Variants in KAT6A observed in about 807,000 individuals in gnomAD.
The protein encoded by KAT6A is lysine acetyltransferase 6A.
A neutral mutation model predicts 198.4 loss-of-function variants in KAT6A; 9 were observed. The ratio of observed to expected loss-of-function variants is 0.05; its 90% CI spans 0.03 to 0.08. The LOEUF is 0.08. Among genes scored for constraint, KAT6A ranks in the 10% least tolerant of loss-of-function variants. The pLI, the probability that KAT6A is intolerant of heterozygous loss-of-function variation, is 1.00. For missense variants in KAT6A, 2,077 were observed against 2,509.9 expected, an observed-to-expected ratio of 0.83 and a Z score of 3.69; for synonymous variants, 890 against 883.0, an observed-to-expected ratio of 1.01 and a Z score of -0.14.
intron 14 of KAT6A, 27 bp downstream of exon 14, chr8:41,942,766 A>T: frequency 6.2e-7 from 1 of 1,607,802 alleles, no homozygotes; most frequent in Non-Finnish European, 8.5e-7. Context: ...TTCTGTCATC[A>T]AAAATAGAGA....
At chr8:41,998,405 C>G (rs1417232123) in intron 2 of KAT6A, among the ~76,000 whole-genome samples, 1 of 152,100 alleles carries the variant, frequency 6.6e-6, no homozygotes, top group Admixed American at 6.5e-5. Flanking sequence ...ACGTATGGTT[C>G]TCTTCCACTC....
chr8:41,970,408 C>T (rs1823727757), intron 8 of KAT6A, among the ~76,000 whole-genome samples: 1 of 152,148 alleles, frequency 6.6e-6, no homozygotes, highest in African/African-American at 2.4e-5. Context: ...TCTCCCCGAG[C>T]CTCAGCAGGG....
intron 7 of KAT6A, 29 bp from the exon 8 acceptor site, chr8:41,974,851 AACT>A: frequency 7.1e-7 from 1 of 1,417,258 alleles, no homozygotes; most frequent in Non-Finnish European, 9.9e-7. Flanking sequence ...CTCACATGTT[AACT>A]GTCCCCAGAT....
chr8:41,945,971 A>C (rs1205389768), intron 12 of KAT6A, among the ~76,000 whole-genome samples: 1 of 151,452 alleles, frequency 6.6e-6, no homozygotes, highest in Non-Finnish European at 1.5e-5. Context: ...CAGAGCTTGC[A>C]GTGAGCCGAG....
In KAT6A at chr8:41,980,941, G is replaced by GA; in HGVS notation, c.826-15dup. 1 of 1,584,296 alleles carries GA rather than the reference G, an allele frequency of 6.3e-7. No homozygotes were observed. Among genetic ancestry groups the GA allele is most frequent in the Non-Finnish European group, 8.7e-7 (1 of 1,154,890 alleles). On this transcript the variant is annotated splice_polypyrimidine_tract_variant and intron_variant, in intron 4 of 16. Coordinates refer to ENST00000265713, the MANE Select transcript of KAT6A (RefSeq NM_006766.5). ...GAGCATGTTATCCTATTAGAAAAAA[G>GA]AAAGGACAGTTTTGCTTAACCTTAT... is the stretch of plus-strand genomic sequence containing the variant.
intron 8 of KAT6A, among the ~76,000 whole-genome samples, chr8:41,973,128 A>G (rs561914351): frequency 1.6e-4 from 24 of 152,350 alleles, no homozygotes; most frequent in Non-Finnish European, 2.8e-4. Flanking sequence ...TTATTTTTCC[A>G]AAAGTACTCA....
chr8:41,987,377 G>C (rs1824667790), intron 3 of KAT6A, 78 bp downstream of exon 3: 1 of 810,962 alleles, frequency 1.2e-6, no homozygotes, highest in Admixed American at 1.9e-5. Flanking sequence ...AAGGATCAAG[G>C]ATACAAACTC....
chr8:41,930,682 ATGTG>A lies in KAT6A; in HGVS notation c.*1519_*1522del, dbSNP rs1167805914. On this transcript the variant is annotated 3_prime_UTR_variant, in exon 17 of 17. Coordinates refer to ENST00000265713, the MANE Select transcript of KAT6A (RefSeq NM_006766.5). ...AATGATGGAATATATATATATATAT[ATGTG>A]TGTGTGTGTGTGTGTGTGTGTGTGT... is the stretch of plus-strand genomic sequence containing the variant. The A allele has an allele frequency of 5.4e-3, 489 of 91,326 alleles. 7 individuals are homozygous for A. The highest frequency in any genetic ancestry group is 0.012 in the African/African-American group (226 of 18,648). 5.7% of individuals were successfully genotyped at this position (91,326 alleles called of 1,614,324 possible). A position where few individuals can be genotyped will look rare whatever the true frequency, so the allele number is the denominator to read the frequency against.
chr8:42,016,212 A>G (rs1826265611), intron 2 of KAT6A, among the ~76,000 whole-genome samples: 1 of 152,176 alleles, frequency 6.6e-6, no homozygotes, highest in South Asian at 2.1e-4. Context: ...TGAAATATGA[A>G]TATGTACCAT....
chr8:41,994,693 C>T (rs1403476334), intron 2 of KAT6A, among the ~76,000 whole-genome samples: 1 of 151,960 alleles, frequency 6.6e-6, no homozygotes, highest in African/African-American at 2.4e-5. Context: ...ATTATTTATT[C>T]TTAACTAAAT....
At chr8:42,008,908 A>G (rs1450414321) in intron 2 of KAT6A, among the ~76,000 whole-genome samples, 1 of 152,176 alleles carries the variant, frequency 6.6e-6, no homozygotes, top group East Asian at 1.9e-4. Context: ...TAAAATTGTA[A>G]TTTAAAAGTT....
At chr8:42,003,701 G>A (rs1399150952) in intron 2 of KAT6A, among the ~76,000 whole-genome samples, 1 of 152,076 alleles carries the variant, frequency 6.6e-6, no homozygotes, top group Non-Finnish European at 1.5e-5. Context: ...TTCATATGGT[G>A]AAGCCCTAAT....
chr8:41,957,383 G>A (rs1451952554), intron 8 of KAT6A: 2 of 461,744 alleles, frequency 4.3e-6, no homozygotes, highest in South Asian at 1.7e-5. Flanking sequence ...AGGAAGAAAT[G>A]GCTACACAGA....
At position 41,946,489 on chromosome 8, in the gene KAT6A, TATATACACACACACACACACAC is replaced by T. The variant is rs1206661024; in HGVS notation, c.1996+80_1996+101del. 5 of 453,730 alleles carry T rather than the reference TATATACACACACACACACACAC, an allele frequency of 1.1e-5. No individual in the cohort carries two copies. The East Asian group carries it at 1.4e-4, about 13-fold the overall frequency. The allele number at this position is 453,730 out of a possible 1,614,324, so 28.1% of individuals were successfully genotyped here. On this transcript the variant is annotated intron_variant, in intron 12 of 16. Transcript: ENST00000265713. ...GCACCTACAAATCTTTAAATATATA[TATATACACACACACACACACAC>T]ACACACACACACACACACACACACA... is the stretch of plus-strand genomic sequence containing the variant.
At position 42,044,121 on chromosome 8, in the gene KAT6A, G is replaced by C. The variant is rs1827795278; in HGVS notation, c.600+4257C>G. On this transcript the variant is annotated intron_variant, in intron 2 of 16. Transcript: ENST00000265713. ...AACTTTTTTTTTTTTTTTTTTTTGA[G>C]ATGGAGTCTTGCTCTGTTGCCCAGG... is the stretch of plus-strand genomic sequence containing the variant. Among the ~76,000 whole-genome samples, 5 of 124,136 alleles carry C rather than the reference G, an allele frequency of 4.0e-5. No individual in the cohort carries two copies. The Admixed American group carries it at 4.5e-4, about 11-fold the overall frequency. The allele number at this position is 124,136 out of a possible 152,430, so 81.4% of individuals were successfully genotyped here.
intron 2 of KAT6A, among the ~76,000 whole-genome samples, chr8:41,998,252 A>G (rs1245987772): frequency 6.6e-6 from 1 of 152,194 alleles, no homozygotes; most frequent in Non-Finnish European, 1.5e-5. Flanking sequence ...TCACACACCA[A>G]AAAAGTAAGC....
chr8:41,932,270 G>C lies in KAT6A; in HGVS notation c.5950C>G (p.His1984Asp). 1 of 1,614,086 alleles carries C rather than the reference G, an allele frequency of 6.2e-7. No individual in the cohort carries two copies. The highest frequency in any genetic ancestry group is 8.5e-7 in the Non-Finnish European group (1 of 1,179,972). The change falls in exon 17 of 17, where the codon CAC (histidine) becomes GAC (aspartate). Residue 1984 changes from histidine (H) to aspartate (D), a missense_variant. Coordinates refer to ENST00000265713, the MANE Select transcript of KAT6A (RefSeq NM_006766.5). ...GNMMYTGPSHHSYMNAAGVPK... is the reference protein window; with the variant it reads ...GNMMYTGPSHDSYMNAAGVPK... ...ACGCCAGCAGCGTTCATGTAGCTGTGATGGGAGGGGCCTGTGTACATCATG... is the reference window on the plus strand; with the variant it reads ...ACGCCAGCAGCGTTCATGTAGCTGTCATGGGAGGGGCCTGTGTACATCATG...
intron 2 of KAT6A, among the ~76,000 whole-genome samples, chr8:42,040,374 T>C (rs1827596424): frequency 6.6e-6 from 1 of 152,080 alleles, no homozygotes; most frequent in African/African-American, 2.4e-5. Context: ...ATTTCACCAA[T>C]TGGAAGGTAG....
chr8:42,044,226 G>A (rs1057289899), intron 2 of KAT6A, among the ~76,000 whole-genome samples: 6 of 150,458 alleles, frequency 4.0e-5, no homozygotes, highest in African/African-American at 7.3e-5. Context: ...TCAGCCTACC[G>A]AGTAGCTGGG....
Sources: gnomAD v4.1 joint callset for allele counts (sites outside exome capture counted in the v4.1 genomes callset) on GRCh38, gnomAD v4.1.1 for gene constraint, MANE v1.5 for transcripts, NCBI Gene and HGNC (gene_info 2026-07-23, HGNC 2026-07-21) for gene names.